The following PRKG1 variants were observed in gnomAD, a reference collection of about 807,000 sequenced individuals.
PRKG1 encodes protein kinase cGMP-dependent 1, also known as cGMP-dependent protein kinase 1.
PRKG1 carries 35 observed loss-of-function variants against 88.1 expected under a neutral mutation model. That is an observed-to-expected ratio of 0.40 (90% confidence interval 0.30 to 0.53). The LOEUF is 0.53. PRKG1 is among the 20% of genes least tolerant of loss of function. The pLI is 0.59. For missense variants in PRKG1, 540 were observed against 839.8 expected (o/e 0.64, Z 4.41); for synonymous variants, 303 against 292.5 (o/e 1.04, Z -0.37).
intron 2 of PRKG1, among the ~76,000 whole-genome samples, chr10:51,413,334 T>TA (rs202096071): frequency 6.1e-5 from 9 of 147,136 alleles, no homozygotes; most frequent in South Asian, 2.3e-4. Flanking sequence ...CACCTTCTCT[T>TA]AAAAAAAATG....
At chr10:51,203,191 G>A (rs1837958353) in intron 2 of PRKG1, among the ~76,000 whole-genome samples, 1 of 152,068 alleles carries the variant, frequency 6.6e-6, no homozygotes, top group African/African-American at 2.4e-5. Context: ...TTGCACTGAA[G>A]GATATACGTA....
chr10:52,283,602 C>T (rs1360046885), intron 14 of PRKG1, among the ~76,000 whole-genome samples: 2 of 152,022 alleles, frequency 1.3e-5, no homozygotes, highest in Non-Finnish European at 2.9e-5. Context: ...TCTCTATTGA[C>T]TTCAAATAAA....
chr10:51,651,153 C>T (rs962523203), intron 3 of PRKG1, among the ~76,000 whole-genome samples: 3 of 152,138 alleles, frequency 2.0e-5, no homozygotes, highest in Non-Finnish European at 4.4e-5. Flanking sequence ...CTGATTATAC[C>T]ACTGACTTCT....
At chr10:51,795,273 A>T (rs1838979633) in intron 3 of PRKG1, among the ~76,000 whole-genome samples, 1 of 152,066 alleles carries the variant, frequency 6.6e-6, no homozygotes. Flanking sequence ...CTCCCTTCCA[A>T]TGTATGAATA....
chr10:51,886,504 G>T (rs955961477), intron 4 of PRKG1, among the ~76,000 whole-genome samples: 1 of 151,990 alleles, frequency 6.6e-6, no homozygotes, highest in African/African-American at 2.4e-5. Context: ...GTTTCTTTTC[G>T]ACCTGCTAAT....
intron 9 of PRKG1, among the ~76,000 whole-genome samples, chr10:52,221,925 A>G (rs1840254850): frequency 6.6e-6 from 1 of 152,240 alleles, no homozygotes; most frequent in Non-Finnish European, 1.5e-5. Context: ...CTGAAGAAAT[A>G]AAACTGAAGC....
intron 2 of PRKG1, among the ~76,000 whole-genome samples, chr10:51,178,192 G>A (rs1455343213): frequency 2.0e-5 from 3 of 152,072 alleles, no homozygotes; most frequent in Non-Finnish European, 4.4e-5. Context: ...ATATTTACAT[G>A]TTAAAAACTG....
intron 3 of PRKG1, among the ~76,000 whole-genome samples, chr10:51,727,001 G>A (rs1363264872): frequency 3.3e-5 from 5 of 151,762 alleles, no homozygotes; most frequent in African/African-American, 7.3e-5. Context: ...AGCTGGTCTC[G>A]ATTTCCTGAC....
At chr10:51,343,912 TG>T (rs1225931097) in intron 2 of PRKG1, among the ~76,000 whole-genome samples, 3 of 152,152 alleles carry the variant, frequency 2.0e-5, no homozygotes, top group Admixed American at 6.5e-5. Flanking sequence ...GGGAATCAAC[TG>T]GTAGAGAGAT....
chr10:51,970,001 TACACACACACACACAC>T (rs35117709), intron 5 of PRKG1, among the ~76,000 whole-genome samples: 27,463 of 144,438 alleles, frequency 0.19, 2,972 homozygotes, highest in Admixed American at 0.29. Context: ...ATTCTCTTCA[TACACACACACACACAC>T]ACACACACAC....
chr10:51,613,158 C>T (rs1342754188), intron 3 of PRKG1, among the ~76,000 whole-genome samples: 2 of 151,826 alleles, frequency 1.3e-5, no homozygotes, highest in African/African-American at 2.4e-5. Flanking sequence ...CTGGGCTCTT[C>T]TTTGTTTGAA....
intron 3 of PRKG1, among the ~76,000 whole-genome samples, chr10:51,580,588 A>G (rs902355732): frequency 1.3e-5 from 2 of 152,076 alleles, no homozygotes; most frequent in African/African-American, 4.8e-5. Flanking sequence ...GAAGAGAATT[A>G]AGCTCTTGTC....
chr10:51,049,490 T>C (rs1843534749), intron 1 of PRKG1, among the ~76,000 whole-genome samples: 1 of 152,206 alleles, frequency 6.6e-6, no homozygotes, highest in Non-Finnish European at 1.5e-5. Context: ...TTCCCCTGCT[T>C]TTCTGAGAAC....
intron 3 of PRKG1, among the ~76,000 whole-genome samples, chr10:51,721,190 T>C (rs2879590): frequency 0.039 from 5,510 of 142,944 alleles, 356 homozygotes; most frequent in African/African-American, 0.14. Context: ...CTCCAGCCTC[T>C]GGGTGACAGA....
intron 4 of PRKG1, among the ~76,000 whole-genome samples, chr10:51,850,592 A>G (rs1840527465): frequency 1.3e-5 from 2 of 152,114 alleles, no homozygotes; most frequent in East Asian, 3.8e-4. Flanking sequence ...AAACATTTGC[A>G]TTACATATCA....
intron 3 of PRKG1, among the ~76,000 whole-genome samples, chr10:51,476,542 C>G (rs1403114864): frequency 6.6e-6 from 1 of 152,012 alleles, no homozygotes; most frequent in East Asian, 1.9e-4. Context: ...GTATGGTTGT[C>G]TATAACCTTC....
At chr10:51,707,561 C>G (rs1841640850) in intron 3 of PRKG1, among the ~76,000 whole-genome samples, 1 of 151,930 alleles carries the variant, frequency 6.6e-6, no homozygotes, top group African/African-American at 2.4e-5. Context: ...AATAAAGATA[C>G]CCTATTTAAG....
intron 4 of PRKG1, among the ~76,000 whole-genome samples, chr10:51,852,213 G>GTGTATATATATATA (rs1554848714): frequency 1.4e-5 from 2 of 143,294 alleles, no homozygotes; most frequent in African/African-American, 5.3e-5. Flanking sequence ...TTTTATATGT[G>GTGTATATATATATA]TATATATATA....
chr10:51,577,508 A>G (rs149866354), intron 3 of PRKG1, among the ~76,000 whole-genome samples: 7 of 152,186 alleles, frequency 4.6e-5, no homozygotes, highest in Middle Eastern at 3.4e-3. Flanking sequence ...CGAAATGCTG[A>G]CTGGTGAAAA....
Sources: allele counts gnomAD v4.1 joint callset (sites outside exome capture counted in the v4.1 genomes callset), GRCh38; gene constraint gnomAD v4.1.1; transcripts MANE v1.5; gene names NCBI Gene and HGNC (gene_info 2026-07-23, HGNC 2026-07-21).